The following ADGRL2 variants were observed in gnomAD, a reference collection of about 807,000 sequenced individuals.
ADGRL2 encodes the protein adhesion G protein-coupled receptor L2.
In ADGRL2, 44 loss-of-function variants were observed where a neutral mutation model predicts 157.4. The ratio of observed to expected loss-of-function variants is 0.28; its 90% CI spans 0.22 to 0.36. The LOEUF (loss-of-function observed/expected upper bound fraction) is 0.36, where lower values mean the gene tolerates loss of function less well. Ranked by LOEUF, ADGRL2 falls within the 10% of genes least tolerant of loss-of-function variation. The probability of loss-of-function intolerance (pLI) is 1.00; values close to 1 mark genes in which losing one functional copy is unlikely to be tolerated. For synonymous variants in ADGRL2, 585 were observed against 624.7 expected, an observed-to-expected ratio of 0.94 and a Z score of 0.95; for missense variants, 1,510 against 1,768.9, an observed-to-expected ratio of 0.85 and a Z score of 2.63.
chr1:81,538,888 G>A (rs1171435399), intron 2 of ADGRL2, among the ~76,000 whole-genome samples: 2 of 151,726 alleles, frequency 1.3e-5, no homozygotes, highest in Non-Finnish European at 2.9e-5. Flanking sequence ...TTTTCCTGTG[G>A]TCCCAGCTAC....
intron 2 of ADGRL2, among the ~76,000 whole-genome samples, chr1:81,545,175 C>A (rs2079983489): frequency 6.6e-6 from 1 of 152,016 alleles, no homozygotes; most frequent in Non-Finnish European, 1.5e-5. Context: ...TCCCACCTTA[C>A]AAGTAAGGGG....
chr1:81,842,090 C>T (rs374989292), intron 2 of ADGRL2, among the ~76,000 whole-genome samples: 4 of 151,794 alleles, frequency 2.6e-5, no homozygotes, highest in African/African-American at 7.3e-5. Flanking sequence ...CTCAGCATCA[C>T]ACTATAAGAG....
At chr1:81,871,172 A>G (rs1410301524) in intron 2 of ADGRL2, among the ~76,000 whole-genome samples, 2 of 143,894 alleles carry the variant, frequency 1.4e-5, no homozygotes, top group Non-Finnish European at 3.0e-5. Flanking sequence ...TCTATGAGTG[A>G]GAACATGCGG....
At chr1:81,541,921 G>A (rs1229882192) in intron 2 of ADGRL2, among the ~76,000 whole-genome samples, 1 of 152,198 alleles carries the variant, frequency 6.6e-6, no homozygotes, top group African/African-American at 2.4e-5. Context: ...TCACTCCATT[G>A]TACTCCAGCC....
intron 2 of ADGRL2, among the ~76,000 whole-genome samples, chr1:81,785,699 G>A (rs966738800): frequency 2.0e-5 from 3 of 151,984 alleles, no homozygotes; most frequent in Admixed American, 1.3e-4. Flanking sequence ...CTGTATTCTA[G>A]CCTGAGCGAC....
chr1:81,589,422 T>C (rs1347147611), intron 3 of ADGRL2, among the ~76,000 whole-genome samples: 2 of 152,092 alleles, frequency 1.3e-5, no homozygotes, highest in South Asian at 4.2e-4. Context: ...CTGCTTCTGA[T>C]CCCCCCTCCC....
At position 81,990,011 on chromosome 1, in the gene ADGRL2, A is replaced by G. The variant is rs1367949779; in HGVS notation, c.3656-380A>G. On this transcript the variant is annotated intron_variant, in intron 23 of 23. Transcript: ENST00000686636. ...TGTTAATTTTATTTTTATAAACCATAGTCTTGTACTTTAAAATGTAAATGT... is the reference window on the plus strand; with the variant it reads ...TGTTAATTTTATTTTTATAAACCATGGTCTTGTACTTTAAAATGTAAATGT... The G allele has an allele frequency of 3.0e-6, 3 of 984,602 alleles. No homozygotes were observed. In the East Asian group the frequency reaches 3.4e-4, roughly 112 times the overall value. The allele number at this position is 984,602 out of a possible 1,614,324, so 61.0% of individuals were successfully genotyped here.
At chr1:81,526,369 C>T (rs1404767146) in intron 2 of ADGRL2, among the ~76,000 whole-genome samples, 1 of 152,184 alleles carries the variant, frequency 6.6e-6, no homozygotes, top group Non-Finnish European at 1.5e-5. Context: ...ATTTTCCTCA[C>T]ATTATTACCC....
intron 17 of ADGRL2, among the ~76,000 whole-genome samples, chr1:81,973,663 CA>C (rs1319217580): frequency 3.9e-5 from 6 of 152,136 alleles, no homozygotes; most frequent in Non-Finnish European, 7.3e-5. Flanking sequence ...TATAGTAGAG[CA>C]CACTATTACT....
At chr1:81,436,633 A>G (rs1282226849) in intron 1 of ADGRL2, among the ~76,000 whole-genome samples, 2 of 152,228 alleles carry the variant, frequency 1.3e-5, no homozygotes, top group African/African-American at 2.4e-5. Context: ...AGAGGCCCAG[A>G]TGAAATCAAT....
At chr1:81,433,876 C>T (rs528955187) in intron 1 of ADGRL2, among the ~76,000 whole-genome samples, 1 of 152,214 alleles carries the variant, frequency 6.6e-6, no homozygotes, top group Admixed American at 6.5e-5. Context: ...AGGGGACTGG[C>T]CCCACAATAT....
intron 2 of ADGRL2, among the ~76,000 whole-genome samples, chr1:81,854,484 T>A (rs2093133226): frequency 6.6e-6 from 1 of 152,300 alleles, no homozygotes; most frequent in Middle Eastern, 3.4e-3. Context: ...TACAAGTTAT[T>A]TAACTTGGGT....
rs941127801 is a variant in ADGRL2, at chr1:81,979,919, A to G, written c.3072A>G (p.Ser1024=). ...VITLCKMVKH[S]NTLKPDSSRL... ...CATTGTGCAAAATGGTGAAGCATTC[A>G]AACACTTTGAAACCAGATTCTAGCA... Residue 1024 remains serine (S), a synonymous_variant, in exon 18 of 24, where the codon TCA becomes TCG. Transcript: ENST00000686636. The G allele has an allele frequency of 1.9e-6, 3 of 1,607,838 alleles. No homozygotes were observed. The highest frequency in any genetic ancestry group is 2.6e-6 in the Non-Finnish European group (3 of 1,175,368).
intron 1 of ADGRL2, among the ~76,000 whole-genome samples, chr1:81,379,829 G>C (rs2076313954): frequency 6.6e-6 from 1 of 152,098 alleles, no homozygotes; most frequent in Non-Finnish European, 1.5e-5. Flanking sequence ...CCTAGGATGG[G>C]GGCATGGTGG....
chr1:81,942,708 A>G, intron 5 of ADGRL2: 1 of 480,446 alleles, frequency 2.1e-6, no homozygotes. Context: ...AAAAATTTAA[A>G]TTGTCAGACC....
intron 1 of ADGRL2, among the ~76,000 whole-genome samples, chr1:81,421,839 G>T (rs374793002): frequency 4.9e-4 from 75 of 152,110 alleles, no homozygotes; most frequent in Middle Eastern, 6.8e-3. Flanking sequence ...AAGAAAACAG[G>T]GTTTAATTGC....
chr1:81,812,375 TGTACTAAA>T (rs2089965676), intron 1 of ADGRL2, among the ~76,000 whole-genome samples: 1 of 151,798 alleles, frequency 6.6e-6, no homozygotes, highest in Non-Finnish European at 1.5e-5. Flanking sequence ...TGCAACTTAA[TGTACTAAA>T]GGCCTTGTGT....
intron 2 of ADGRL2, among the ~76,000 whole-genome samples, chr1:81,869,888 CTT>C (rs1332866589): frequency 6.6e-6 from 1 of 151,842 alleles, no homozygotes; most frequent in Non-Finnish European, 1.5e-5. Flanking sequence ...ATTCAGATCT[CTT>C]TATGAGAATT....
intron 1 of ADGRL2, among the ~76,000 whole-genome samples, chr1:81,732,244 T>C (rs139607865): frequency 6.6e-6 from 1 of 152,304 alleles, no homozygotes; most frequent in Non-Finnish European, 1.5e-5. Context: ...CACTAGTTGA[T>C]GTATTGCTGT....
Sources: allele counts gnomAD v4.1 joint callset (sites outside exome capture counted in the v4.1 genomes callset), GRCh38; gene constraint gnomAD v4.1.1; transcripts MANE v1.5; gene names NCBI Gene and HGNC (gene_info 2026-07-23, HGNC 2026-07-21).